BTBD16: variants seen among roughly 807,000 people sequenced by gnomAD.
The protein encoded by BTBD16 is BTB/POZ domain-containing protein 16.
A neutral mutation model predicts 67.4 loss-of-function variants in BTBD16; 66 were observed. The ratio of observed to expected loss-of-function variants is 0.98; its 90% confidence interval spans 0.80 to 1.20. The LOEUF (loss-of-function observed/expected upper bound fraction) is 1.20. BTBD16 is among the 50% of genes most tolerant of loss of function. BTBD16 has a pLI of 0.00. For missense variants in BTBD16, 634 were observed against 616.0 expected, an observed-to-expected ratio of 1.03 and a Z score of -0.31; for synonymous variants, 242 against 236.4, an observed-to-expected ratio of 1.02 and a Z score of -0.22.
At chr10:122,310,736 G>A (rs372292094) in intron 10 of BTBD16, among the ~76,000 whole-genome samples, 1 of 152,206 alleles carries the variant, frequency 6.6e-6, no homozygotes, top group Non-Finnish European at 1.5e-5. Flanking sequence ...CAATGACAGA[G>A]CAATCTACTT....
At chr10:122,294,833 CA>C (rs951903164) in intron 7 of BTBD16, among the ~76,000 whole-genome samples, 17 of 152,354 alleles carry the variant, frequency 1.1e-4, no homozygotes, top group African/African-American at 4.1e-4. Flanking sequence ...GAAGGGGAAG[CA>C]TAAGAGAAGG....
chr10:122,336,807 G>T, intron 15 of BTBD16, 125 bp downstream of exon 15: 3 of 803,220 alleles, frequency 3.7e-6, no homozygotes, highest in Non-Finnish European at 3.6e-6. Flanking sequence ...ATCTGGCTCA[G>T]TTTCTTAAGG....
At chr10:122,296,929 G>T (rs562346027) in intron 7 of BTBD16, among the ~76,000 whole-genome samples, 1 of 152,348 alleles carries the variant, frequency 6.6e-6, no homozygotes, top group African/African-American at 2.4e-5. Flanking sequence ...ACCTGCTCCT[G>T]CCCCAGGGCC....
chr10:122,304,007 C>T (rs1343916431), intron 9 of BTBD16, among the ~76,000 whole-genome samples: 3 of 152,204 alleles, frequency 2.0e-5, no homozygotes, highest in African/African-American at 7.2e-5. Context: ...TGCTGCTAGC[C>T]CCTCTTTAGT....
intron 15 of BTBD16, among the ~76,000 whole-genome samples, chr10:122,337,014 T>C (rs2096464357): frequency 6.6e-6 from 1 of 152,230 alleles, no homozygotes; most frequent in Non-Finnish European, 1.5e-5. Flanking sequence ...CACTGATGCC[T>C]GTGAGTGGCA....
intron 13 of BTBD16, chr10:122,332,873 T>C (rs2096457413): frequency 1.0e-6 from 1 of 985,400 alleles, no homozygotes; most frequent in Non-Finnish European, 1.2e-6. Flanking sequence ...AGTTGCAAAC[T>C]GGCTCAACAA....
chr10:122,329,508 C>A lies in BTBD16; in HGVS notation c.940C>A (p.Arg314=), dbSNP rs151075028. 3.1e-6 allele frequency: 5 copies of A among 1,613,906 alleles called. No individual in the cohort carries two copies. Among genetic ancestry groups the A allele is most frequent in the Non-Finnish European group, 3.4e-6 (4 of 1,180,002 alleles). ...SFPENCCFLD[R]DIGRSLRPLF... is the part of the protein sequence containing the mutation. ...TCCTGAGAACTGTTGCTTTCTGGACCGGGACATAGGACGGAGCTTGAGGCC... is the reference window on the plus strand; with the variant it reads ...TCCTGAGAACTGTTGCTTTCTGGACAGGGACATAGGACGGAGCTTGAGGCC... The change falls in exon 11 of 16, where the codon CGG becomes AGG. Residue 314 remains arginine, a synonymous_variant. Coordinates refer to ENST00000260723, the MANE Select transcript of BTBD16 (RefSeq NM_144587.5).
chr10:122,308,046 C>T (rs187913054), intron 10 of BTBD16, among the ~76,000 whole-genome samples: 5 of 152,284 alleles, frequency 3.3e-5, no homozygotes, highest in East Asian at 1.9e-4. Context: ...ATGTTTTACC[C>T]GCCCTCCCCC....
chr10:122,323,017 T>A (rs2096438220), intron 10 of BTBD16, among the ~76,000 whole-genome samples: 1 of 152,212 alleles, frequency 6.6e-6, no homozygotes, highest in Admixed American at 6.5e-5. Flanking sequence ...CAGTCCTCAA[T>A]CTTTCATTAA....
chr10:122,286,068 A>G (rs754901004), intron 4 of BTBD16, 37 bp from the exon 5 acceptor site: 16 of 1,592,322 alleles, frequency 1.0e-5, no homozygotes, highest in Non-Finnish European at 1.4e-5. Context: ...TGGGGACGTT[A>G]CTGATGTGTT....
rs1265384993 is a variant in BTBD16 at position 122,291,083 on chromosome 10, T to G, written c.479T>G (p.Phe160Cys). 8 of 1,610,088 alleles carry G rather than the reference T, an allele frequency of 5.0e-6. No individual in the cohort carries two copies. The highest frequency in any genetic ancestry group is 5.9e-6 in the Non-Finnish European group (7 of 1,178,478). ...INDPLVTKVA[F>C]ATALKNLYMS... The stretch of plus-strand genomic sequence containing the variant: ...TCGCTTGGCTGTGCCTCCCCAGCCT[T>G]CGCCACGGCCCTGAAGAACCTCTAC... Residue 160 changes from phenylalanine to cysteine, a missense_variant, in exon 7 of 16, where the codon TTC becomes TGC. By Grantham distance (205) the Phe-to-Cys change is radical. Transcript: ENST00000260723.
chr10:122,302,938 GTCATTA>G (rs2096396865), intron 9 of BTBD16, among the ~76,000 whole-genome samples: 1 of 151,938 alleles, frequency 6.6e-6, no homozygotes, highest in Non-Finnish European at 1.5e-5. Flanking sequence ...AAAGCCTGTG[GTCATTA>G]CCAGCTCACT....
chr10:122,309,723 T>G (rs1024071090), intron 10 of BTBD16, among the ~76,000 whole-genome samples: 1 of 151,732 alleles, frequency 6.6e-6, no homozygotes, highest in African/African-American at 2.4e-5. Flanking sequence ...ATCCTCCCAC[T>G]TGGCCTCCCA....
At chr10:122,332,371 G>A in intron 12 of BTBD16, 65 bp from the exon 13 acceptor site, 8 of 1,509,196 alleles carry the variant, frequency 5.3e-6, no homozygotes, top group Non-Finnish European at 6.4e-6. Context: ...GAGGCATGAA[G>A]ATGAAGAGAG....
At chr10:122,318,012 A>G (rs1486570077) in intron 10 of BTBD16, among the ~76,000 whole-genome samples, 1 of 152,224 alleles carries the variant, frequency 6.6e-6, no homozygotes, top group Middle Eastern at 3.2e-3. Context: ...CATGTATTAC[A>G]CTTTTATCCA....
intron 13 of BTBD16, 124 bp downstream of exon 13, chr10:122,332,637 A>G: frequency 9.0e-7 from 1 of 1,108,726 alleles, no homozygotes; most frequent in Non-Finnish European, 1.3e-6. Context: ...CAGAAGAGAG[A>G]ACCACAGGTG....
chr10:122,276,625 G>GCGTCTT, intron 2 of BTBD16, 166 bp from the exon 3 acceptor site: 1 of 416,842 alleles, frequency 2.4e-6, no homozygotes, highest in South Asian at 1.0e-4. Flanking sequence ...ATGGAATACA[G>GCGTCTT]TGTCTTTGCC....
rs1480413136 is a variant in BTBD16, at chr10:122,281,050, T to C, written c.168-2801T>C. On this transcript the variant is annotated intron_variant, in intron 3 of 15. Transcript: ENST00000260723. ...TCAAACTCCCGGGCTCAAGTGATGC[T>C]CCTGCCTCAGCCTCCCAAAGTATTG... Among the ~76,000 whole-genome samples the C allele has an allele frequency of 3.9e-5, 6 of 152,040 alleles. No individual in the cohort carries two copies. The East Asian group carries it at 9.7e-4, about 25-fold the overall frequency.
At chr10:122,290,594 C>T (rs906971079) in intron 6 of BTBD16, among the ~76,000 whole-genome samples, 1 of 152,196 alleles carries the variant, frequency 6.6e-6, no homozygotes, top group African/African-American at 2.4e-5. Context: ...GTCCATCTGG[C>T]CCCTAGCCAA....
Sources: gnomAD v4.1 joint callset for allele counts (sites outside exome capture counted in the v4.1 genomes callset) on GRCh38, gnomAD v4.1.1 for gene constraint, MANE v1.5 for transcripts, NCBI Gene and HGNC (gene_info 2026-07-23, HGNC 2026-07-21) for gene names.